NLRP11: variants seen among roughly 807,000 people sequenced by gnomAD.
NLRP11 encodes NLR family pyrin domain containing 11, also known as NACHT, LRR and PYD domains-containing protein 11.
A neutral mutation model predicts 79.3 loss-of-function variants in NLRP11; 53 were observed. The ratio of observed to expected loss-of-function variants is 0.67; its 90% CI spans 0.54 to 0.84. The LOEUF (loss-of-function observed/expected upper bound fraction) is 0.84, where lower values mean the gene tolerates loss of function less well. NLRP11 is among the 40% of genes least tolerant of loss of function. NLRP11 has a pLI of 0.00. For synonymous variants in NLRP11, 518 were observed against 462.6 expected (o/e 1.12, Z -1.54); for missense variants, 1,264 against 1,255.0 (o/e 1.01, Z -0.11).
intron 2 of NLRP11, among the ~76,000 whole-genome samples, chr19:55,813,934 G>T (rs1980844702): frequency 6.6e-6 from 1 of 152,104 alleles, no homozygotes; most frequent in Admixed American, 6.6e-5. Flanking sequence ...AAAATGTAAA[G>T]GGTAATAAGA....
At chr19:55,801,462 G>C (rs1335168633) in intron 5 of NLRP11, 110 bp downstream of exon 5, 6 of 775,490 alleles carry the variant, frequency 7.7e-6, no homozygotes, top group Non-Finnish European at 1.3e-5. Flanking sequence ...TGAGGAATGA[G>C]TGACATCAAA....
chr19:55,814,875 G>A (rs1032540629), intron 2 of NLRP11, among the ~76,000 whole-genome samples: 2 of 152,182 alleles, frequency 1.3e-5, no homozygotes, highest in Non-Finnish European at 1.5e-5. Flanking sequence ...GCCCAGGACT[G>A]GCACACGGCC....
chr19:55,799,579 G>A (rs114614282), intron 5 of NLRP11, among the ~76,000 whole-genome samples: 1,571 of 152,254 alleles, frequency 0.01, 19 homozygotes, highest in African/African-American at 0.036. Flanking sequence ...TTGAGGTAGG[G>A]GAGAGGCTAA....
intron 9 of NLRP11, among the ~76,000 whole-genome samples, chr19:55,786,822 G>A (rs1401019298): frequency 2.0e-5 from 3 of 152,114 alleles, no homozygotes; most frequent in African/African-American, 7.2e-5. Context: ...TACATTTGAA[G>A]GTGAGAAGAG....
chr19:55,813,118 A>C (rs1980766855), intron 2 of NLRP11, among the ~76,000 whole-genome samples: 1 of 152,166 alleles, frequency 6.6e-6, no homozygotes, highest in South Asian at 2.1e-4. Flanking sequence ...ACCTGAGGTC[A>C]GGAGTTCGAG....
chr19:55,808,969 G>A, exon 3 of NLRP11: 1 of 1,614,086 alleles, frequency 6.2e-7, no homozygotes, highest in African/African-American at 1.3e-5. Flanking sequence ...CATAGAGACA[G>A]TAAAACAAAG....
At chr19:55,805,672 T>C (rs911655812) in intron 4 of NLRP11, among the ~76,000 whole-genome samples, 2 of 152,072 alleles carry the variant, frequency 1.3e-5, no homozygotes, top group Non-Finnish European at 2.9e-5. Flanking sequence ...CCCAAGTAGC[T>C]GGGATTACAG....
At chr19:55,786,540 T>C (rs911073732) in intron 9 of NLRP11, among the ~76,000 whole-genome samples, 4 of 151,908 alleles carry the variant, frequency 2.6e-5, no homozygotes, top group African/African-American at 7.3e-5. Flanking sequence ...AAAATTTACA[T>C]AGCTAGAGAA....
intron 1 of NLRP11, among the ~76,000 whole-genome samples, chr19:55,828,371 C>T (rs1568646101): frequency 6.6e-6 from 1 of 151,618 alleles, no homozygotes; most frequent in African/African-American, 2.4e-5. Context: ...ACATATGTAA[C>T]TAACCTGCAC....
At chr19:55,805,028 C>T (rs299171) in intron 4 of NLRP11, among the ~76,000 whole-genome samples, 80,840 of 151,878 alleles carry the variant, frequency 0.53, 21,631 homozygotes, top group East Asian at 0.61. Flanking sequence ...ACGCACTGCA[C>T]TCTAGCCTGG....
exon 2 of NLRP11, chr19:55,818,225 GA>G (rs766774357): frequency 7.0e-7 from 1 of 1,432,006 alleles, no homozygotes; most frequent in Non-Finnish European, 9.6e-7. Flanking sequence ...TGAGGCACAA[GA>G]AATATGAGAT....
chr19:55,796,095 G>T lies in NLRP11; in HGVS notation c.2327C>A (p.Thr776Asn), dbSNP rs748209558. ...GCCAACTTACACCAGTGATATAAGA[G>T]TGCAGTTGGGATGAAGCAAGGCATC... Residue 776 changes from threonine to asparagine, a missense_variant, in exon 6 of 10, where the codon ACT (threonine) becomes AAT (asparagine). Physicochemically the swap from Thr to Asn is moderately conservative, Grantham distance 65. Transcript: ENST00000589093. 5 of 1,613,236 alleles carry T rather than the reference G, an allele frequency of 3.1e-6. No individual in the cohort carries two copies. The South Asian group carries it at 4.4e-5, about 14-fold the overall frequency.
At position 55,820,256 on chromosome 19, in the gene NLRP11, C is replaced by T. The variant is rs553865614; in HGVS notation, c.-62-2020G>A. ...GGAAGTCACTGAGTTTCAGAAGGCA[C>T]GCATGCACCCAGGGAGTCGCTTTCA... is the stretch of plus-strand genomic sequence containing the variant. On this transcript the variant is annotated intron_variant, in intron 1 of 9. Transcript: ENST00000589093. Among the ~76,000 whole-genome samples, 18 of 152,252 alleles carry T rather than the reference C, an allele frequency of 1.2e-4. 1 individual carries two copies. In the South Asian group the frequency reaches 1.7e-3, roughly 14 times the overall value.
intron 2 of NLRP11, among the ~76,000 whole-genome samples, chr19:55,814,089 C>G (rs549192760): frequency 1.1e-4 from 16 of 152,204 alleles, no homozygotes; most frequent in African/African-American, 3.4e-4. Flanking sequence ...CGCTCCCCAT[C>G]GCTCACATTA....
Position 55,809,096 on chromosome 19 carries a change from T to C in NLRP11, c.1514A>G (p.Lys505Arg), listed in dbSNP as rs1415329901. Reference sequence around the variant, plus strand: ...GTATCCAAAGGATGTCTCAAGAATCTTTCTCCTGTTTGCATTTAGAAGACC... The same window carrying C: ...GTATCCAAAGGATGTCTCAAGAATCCTTCTCCTGTTTGCATTTAGAAGACC... The change falls in exon 3 of 10, where the codon AAG (lysine) becomes AGG (arginine). Residue 505 changes from lysine (K) to arginine (R), a missense_variant. Physicochemically the swap from Lys to Arg is conservative, Grantham distance 26 (BLOSUM62 2). Coordinates refer to ENST00000589093, the Ensembl canonical transcript of NLRP11. The surrounding 1 kb of genome is among the most constrained non-coding windows in gnomAD (Gnocchi z 4.5). 8.1e-6 allele frequency: 13 copies of C among 1,613,866 alleles called. No homozygotes were observed. The highest frequency in any genetic ancestry group is 1.1e-5 in the Non-Finnish European group (13 of 1,179,936).
At chr19:55,802,231 C>T (rs936727426) in intron 4 of NLRP11, among the ~76,000 whole-genome samples, 2 of 152,222 alleles carry the variant, frequency 1.3e-5, no homozygotes, top group African/African-American at 4.8e-5. Flanking sequence ...CAAACTATCA[C>T]TGTTTGCAGA....
intron 4 of NLRP11, among the ~76,000 whole-genome samples, chr19:55,805,539 T>TG (rs1191552724): frequency 1.4e-5 from 1 of 72,352 alleles, no homozygotes; most frequent in Non-Finnish European, 2.4e-5. Context: ...TAAGGTTTTG[T>TG]TTTTTTTTTT....
chr19:55,805,324 G>T (rs1281416622), intron 4 of NLRP11, among the ~76,000 whole-genome samples: 1 of 151,946 alleles, frequency 6.6e-6, no homozygotes, highest in Non-Finnish European at 1.5e-5. Flanking sequence ...TTGGAGGATT[G>T]AGGATCCTAT....
chr19:55,835,879 T>C (rs1983215081), upstream of NLRP11, among the ~76,000 whole-genome samples: 1 of 151,396 alleles, frequency 6.6e-6, no homozygotes, highest in Non-Finnish European at 1.5e-5. Flanking sequence ...ATCCCAGCAC[T>C]TCGGGAGGCC....
Sources: allele counts gnomAD v4.1 joint callset (sites outside exome capture counted in the v4.1 genomes callset), GRCh38; gene constraint gnomAD v4.1.1; non-coding constraint Gnocchi (gnomAD v3.1); transcripts MANE v1.5; gene names NCBI Gene and HGNC (gene_info 2026-07-23, HGNC 2026-07-21).